MGAT4C: variants seen among roughly 807,000 people sequenced by gnomAD.
MGAT4C encodes the protein MGAT4 family member C.
MGAT4C carries 19 observed loss-of-function variants against 40.1 expected under a neutral mutation model. That is an observed-to-expected ratio of 0.47 (90% CI 0.33 to 0.70). MGAT4C has a LOEUF of 0.70. Among genes scored for constraint, MGAT4C ranks in the 30% least tolerant of loss-of-function variants. The pLI, the probability that MGAT4C is intolerant of heterozygous loss-of-function variation, is 0.02. For missense variants in MGAT4C, 491 were observed against 563.2 expected (o/e 0.87, Z 1.30); for synonymous variants, 181 against 187.1 (o/e 0.97, Z 0.27).
At chr12:86,354,104 T>C (rs113122394) in intron 3 of MGAT4C, among the ~76,000 whole-genome samples, 1 of 152,166 alleles carries the variant, frequency 6.6e-6, no homozygotes, top group Non-Finnish European at 1.5e-5. Context: ...AATTAGCACA[T>C]GGTTGGTGGA....
At chr12:86,586,996 C>T (rs1180976714) in intron 2 of MGAT4C, among the ~76,000 whole-genome samples, 1 of 152,052 alleles carries the variant, frequency 6.6e-6, no homozygotes, top group South Asian at 2.1e-4. Flanking sequence ...GTTGCCATTG[C>T]TTTTGGTGTT....
chr12:86,358,123 C>T (rs777485202), intron 3 of MGAT4C, among the ~76,000 whole-genome samples: 1 of 152,202 alleles, frequency 6.6e-6, no homozygotes, highest in South Asian at 2.1e-4. Context: ...AGATTAATAG[C>T]TGATCTCTCA....
chr12:86,682,365 A>T (rs566340460), intron 2 of MGAT4C, among the ~76,000 whole-genome samples: 1 of 152,196 alleles, frequency 6.6e-6, no homozygotes, highest in East Asian at 1.9e-4. Context: ...TAAGCTAAGC[A>T]GTTTACTAAT....
intron 1 of MGAT4C, among the ~76,000 whole-genome samples, chr12:86,167,836 T>C (rs1886353837): frequency 6.6e-6 from 1 of 152,158 alleles, no homozygotes; most frequent in Non-Finnish European, 1.5e-5. Flanking sequence ...ACCACAGCAG[T>C]GAACATTTTC....
chr12:86,620,747 T>G (rs573130913), intron 2 of MGAT4C, among the ~76,000 whole-genome samples: 18 of 152,316 alleles, frequency 1.2e-4, no homozygotes, highest in Non-Finnish European at 2.4e-4. Context: ...AGGAGGAGTC[T>G]TGTGGGAGGT....
chr12:86,712,309 T>C (rs1950570981), intron 2 of MGAT4C, among the ~76,000 whole-genome samples: 1 of 152,086 alleles, frequency 6.6e-6, no homozygotes, highest in East Asian at 1.9e-4. Context: ...TATAAAAGGA[T>C]GGCATAGGGA....
intron 1 of MGAT4C, among the ~76,000 whole-genome samples, chr12:86,728,151 G>GT (rs989455939): frequency 6.6e-6 from 1 of 152,152 alleles, no homozygotes. Context: ...AATGAGAAAA[G>GT]TTTTTTAATA....
At chr12:86,343,211 T>C (rs1173523223) in intron 3 of MGAT4C, among the ~76,000 whole-genome samples, 1 of 152,154 alleles carries the variant, frequency 6.6e-6, no homozygotes, top group South Asian at 2.1e-4. Flanking sequence ...ATACATATAC[T>C]GGTTGAGCAT....
chr12:86,504,423 G>C (rs1958433730), intron 2 of MGAT4C, among the ~76,000 whole-genome samples: 1 of 152,128 alleles, frequency 6.6e-6, no homozygotes, highest in Non-Finnish European at 1.5e-5. Context: ...ATACATTTGA[G>C]TATTAACAAG....
In MGAT4C at chr12:85,960,155, C is replaced by T. The variant is rs1190909127; in HGVS notation, c.*19134G>A. ...TGCCCACATTGTGTCACCAGCCAGC[C>T]GTATGCAGACTTACAAAGGACTACC... On this transcript the variant is annotated 3_prime_UTR_variant, in exon 5 of 5. Transcript: ENST00000611864. 6.6e-6 allele frequency: 1 copy of T among 151,878 alleles called. No homozygotes were observed. Among genetic ancestry groups the T allele is most frequent in the Non-Finnish European group, 1.5e-5 (1 of 67,900 alleles). The allele number at this position is 151,878 out of a possible 1,614,324, so 9.4% of individuals were successfully genotyped here.
rs552330809 is a variant in MGAT4C, at chr12:86,367,888, C to A, written c.-119-33761G>T. ...CTCTTAGTCTCTAAGAGAGTGGGCT[C>A]CGACCTAACATGGCCAGAAGCGCCT... On this transcript the variant is annotated intron_variant, in intron 3 of 7. Coordinates refer to the MGAT4C transcript ENST00000548651. Among the ~76,000 whole-genome samples, 8 of 152,288 alleles carry A rather than the reference C, an allele frequency of 5.3e-5. No homozygotes were observed. The South Asian group carries it at 1.2e-3, about 24-fold the overall frequency.
At chr12:86,139,701 A>G (rs1882551183) in intron 1 of MGAT4C, among the ~76,000 whole-genome samples, 1 of 152,158 alleles carries the variant, frequency 6.6e-6, no homozygotes, top group African/African-American at 2.4e-5. Flanking sequence ...CTGATATACA[A>G]ATATAAGAGT....
chr12:86,387,147 T>G (rs904583754), intron 3 of MGAT4C, among the ~76,000 whole-genome samples: 7 of 152,272 alleles, frequency 4.6e-5, no homozygotes, highest in African/African-American at 1.7e-4. Flanking sequence ...AAAGTGTACA[T>G]AGTTGTCTGA....
intron 2 of MGAT4C, among the ~76,000 whole-genome samples, chr12:85,996,797 G>A (rs1046133727): frequency 6.6e-6 from 1 of 151,944 alleles, no homozygotes; most frequent in African/African-American, 2.4e-5. Flanking sequence ...AAAGGAGGAA[G>A]AAAGGAAAGA....
At chr12:86,720,494 C>T (rs879745679) in intron 2 of MGAT4C, among the ~76,000 whole-genome samples, 2 of 152,128 alleles carry the variant, frequency 1.3e-5, no homozygotes, top group Non-Finnish European at 2.9e-5. Context: ...TAAAGTACTA[C>T]CCCAATTAGG....
intron 2 of MGAT4C, among the ~76,000 whole-genome samples, chr12:86,544,009 A>G (rs1263066877): frequency 6.6e-6 from 1 of 152,142 alleles, no homozygotes; most frequent in Non-Finnish European, 1.5e-5. Context: ...TAAGGATACT[A>G]CATTCAGCTA....
chr12:86,784,709 G>A (rs1258481471), intron 1 of MGAT4C, among the ~76,000 whole-genome samples: 1 of 151,440 alleles, frequency 6.6e-6, no homozygotes, highest in Non-Finnish European at 1.5e-5. Context: ...ACAAAGAGTA[G>A]CCCTGAAGGA....
At chr12:86,544,336 T>G (rs140477772) in intron 2 of MGAT4C, among the ~76,000 whole-genome samples, 1 of 152,314 alleles carries the variant, frequency 6.6e-6, no homozygotes, top group Non-Finnish European at 1.5e-5. Context: ...CTCAGAAATA[T>G]GTTTAATCAA....
At chr12:86,642,081 A>C (rs1044286657) in intron 2 of MGAT4C, among the ~76,000 whole-genome samples, 1 of 151,838 alleles carries the variant, frequency 6.6e-6, no homozygotes, top group African/African-American at 2.4e-5. Context: ...ATAGAAAGAG[A>C]GTGTGTAGTT....
Sources: allele counts gnomAD v4.1 joint callset (sites outside exome capture counted in the v4.1 genomes callset), GRCh38; gene constraint gnomAD v4.1.1; transcripts MANE v1.5; gene names NCBI Gene and HGNC (gene_info 2026-07-23, HGNC 2026-07-21).